Variants in DCTN4 observed in about 807,000 individuals in gnomAD.
DCTN4 encodes dynactin subunit 4.
A neutral mutation model predicts 62.7 loss-of-function variants in DCTN4; 23 were observed. The ratio of observed to expected loss-of-function variants is 0.37; its 90% CI spans 0.26 to 0.52. DCTN4 has a LOEUF of 0.52. Among genes scored for constraint, DCTN4 ranks in the 20% least tolerant of loss-of-function variants. The probability of loss-of-function intolerance (pLI) is 0.92; values close to 1 mark genes in which losing one functional copy is unlikely to be tolerated. For synonymous variants in DCTN4, 199 were observed against 202.1 expected (o/e 0.98, Z 0.13); for missense variants, 514 against 580.4 (o/e 0.89, Z 1.18).
chr5:150,755,780 C>A (rs1016810334), intron 2 of DCTN4, among the ~76,000 whole-genome samples: 2 of 151,956 alleles, frequency 1.3e-5, no homozygotes, highest in Non-Finnish European at 2.9e-5. Flanking sequence ...CACAGAAAAA[C>A]TAAGGAAATC....
chr5:150,723,434 G>A (rs1324719043), intron 8 of DCTN4, among the ~76,000 whole-genome samples: 1 of 152,154 alleles, frequency 6.6e-6, no homozygotes, highest in African/African-American at 2.4e-5. Flanking sequence ...TTAAATCTAG[G>A]TAGTAAAATT....
intron 4 of DCTN4, among the ~76,000 whole-genome samples, chr5:150,739,542 A>G (rs566418409): frequency 6.6e-6 from 1 of 152,314 alleles, no homozygotes; most frequent in East Asian, 1.9e-4. Flanking sequence ...TCCCACCAAA[A>G]TACCATCATC....
chr5:150,730,760 A>C lies in DCTN4; in HGVS notation c.725-20T>G. 1 of 1,605,742 alleles carries C rather than the reference A, an allele frequency of 6.2e-7. No individual in the cohort carries two copies. Among genetic ancestry groups the C allele is most frequent in the South Asian group, 1.1e-5 (1 of 90,668 alleles). ...TTGTTACTAGAAAGAAAGGCAGAAA[A>C]CAGGCTTAGTTTACAGTGACTTTCA... On this transcript the variant is annotated intron_variant, in intron 7 of 12. Transcript: ENST00000447998.
intron 3 of DCTN4, among the ~76,000 whole-genome samples, chr5:150,749,999 A>G (rs1291525472): frequency 1.3e-5 from 2 of 152,226 alleles, no homozygotes; most frequent in African/African-American, 4.8e-5. Context: ...GTAAGACTCC[A>G]ATTACATACA....
intron 4 of DCTN4, among the ~76,000 whole-genome samples, chr5:150,741,295 A>G (rs988682103): frequency 6.6e-6 from 1 of 152,128 alleles, no homozygotes; most frequent in African/African-American, 2.4e-5. Flanking sequence ...ACTGGTTTAG[A>G]TATCTTTCTT....
chr5:150,743,240 G>C (rs1760835328), intron 3 of DCTN4: 1 of 156,310 alleles, frequency 6.4e-6, no homozygotes, highest in Non-Finnish European at 1.4e-5. Context: ...AGCAGTCTGA[G>C]ATAAAACTGC....
intron 3 of DCTN4, among the ~76,000 whole-genome samples, chr5:150,744,435 G>A (rs1214626690): frequency 1.3e-5 from 2 of 151,884 alleles, no homozygotes; most frequent in South Asian, 2.1e-4. Flanking sequence ...AGGAAATACA[G>A]AGAATGCCAC....
intron 1 of DCTN4, chr5:150,758,009 C>A: frequency 1.1e-6 from 1 of 907,642 alleles, no homozygotes; most frequent in African/African-American, 1.8e-5. Flanking sequence ...TTACATAAAG[C>A]ACATGACATA....
chr5:150,741,022 C>T (rs1447895075), intron 4 of DCTN4, among the ~76,000 whole-genome samples: 3 of 152,056 alleles, frequency 2.0e-5, no homozygotes, highest in Non-Finnish European at 4.4e-5. Flanking sequence ...TAAGCAAACA[C>T]CAGGTGTTCC....
intron 2 of DCTN4, among the ~76,000 whole-genome samples, chr5:150,755,953 T>C (rs1335037173): frequency 6.6e-6 from 1 of 152,132 alleles, no homozygotes; most frequent in Non-Finnish European, 1.5e-5. Context: ...GAAAATCTAT[T>C]TCAAAAATCA....
At chr5:150,744,528 G>T (rs1364014887) in intron 3 of DCTN4, among the ~76,000 whole-genome samples, 2 of 152,066 alleles carry the variant, frequency 1.3e-5, no homozygotes, top group South Asian at 4.1e-4. Flanking sequence ...AAACTTAAAG[G>T]GCAGCCAGAG....
At chr5:150,758,451 G>A (rs1752942606) in intron 1 of DCTN4, 2 of 992,436 alleles carry the variant, frequency 2.0e-6, no homozygotes, top group Admixed American at 1.2e-4. Context: ...AGAACTTTCA[G>A]GATGGGAGAA....
intron 8 of DCTN4, 91 bp from the exon 9 acceptor site, chr5:150,723,071 C>A: frequency 1.0e-6 from 1 of 954,644 alleles, no homozygotes; most frequent in South Asian, 1.5e-5. Flanking sequence ...ACAGCATTTA[C>A]GAGAATTTTG....
intron 12 of DCTN4, among the ~76,000 whole-genome samples, chr5:150,714,243 C>T (rs1011871914): frequency 1.3e-5 from 2 of 152,170 alleles, no homozygotes; most frequent in African/African-American, 4.8e-5. Context: ...TCTGCTGGAT[C>T]GGATGGCTCT....
At chr5:150,750,944 T>C (rs192407942) in intron 3 of DCTN4, among the ~76,000 whole-genome samples, 3 of 152,288 alleles carry the variant, frequency 2.0e-5, no homozygotes, top group African/African-American at 7.2e-5. Flanking sequence ...TTGCTGAAGG[T>C]GACATTGTAT....
chr5:150,730,436 G>A (rs923343509), intron 8 of DCTN4, among the ~76,000 whole-genome samples, 195 bp downstream of exon 8: 3 of 152,210 alleles, frequency 2.0e-5, no homozygotes, highest in Non-Finnish European at 2.9e-5. Flanking sequence ...TTTAACAGTA[G>A]TACCTACCTC....
chr5:150,748,700 C>T (rs1402737606), intron 3 of DCTN4, among the ~76,000 whole-genome samples: 2 of 148,488 alleles, frequency 1.3e-5, no homozygotes, highest in Non-Finnish European at 3.0e-5. Flanking sequence ...AAAAACCAAA[C>T]ACCGCATGTT....
At chr5:150,745,395 T>C (rs1464591078) in intron 3 of DCTN4, among the ~76,000 whole-genome samples, 2 of 151,766 alleles carry the variant, frequency 1.3e-5, no homozygotes, top group Non-Finnish European at 2.9e-5. Flanking sequence ...GACAGAAAGT[T>C]AACAAGGATA....
chr5:150,713,498 T>C (rs2151466148), intron 12 of DCTN4, among the ~76,000 whole-genome samples: 1 of 150,630 alleles, frequency 6.6e-6, no homozygotes, highest in East Asian at 2.0e-4. Flanking sequence ...GGCTGGAGTG[T>C]AGTGGCGTGA....
Sources: gnomAD v4.1 joint callset for allele counts (sites outside exome capture counted in the v4.1 genomes callset) on GRCh38, gnomAD v4.1.1 for gene constraint, MANE v1.5 for transcripts, NCBI Gene and HGNC (gene_info 2026-07-23, HGNC 2026-07-21) for gene names.